Variants in ATP6V0A4 observed in about 807,000 individuals in gnomAD.
The protein encoded by ATP6V0A4 is V-type proton ATPase 116 kDa subunit a 4.
In ATP6V0A4, 86 loss-of-function variants were observed where a neutral mutation model predicts 107.3. The ratio of observed to expected loss-of-function variants is 0.80; its 90% CI spans 0.67 to 0.96. ATP6V0A4 has a LOEUF of 0.96. ATP6V0A4 is among the 40% of genes least tolerant of loss of function. The pLI, the probability that ATP6V0A4 is intolerant of heterozygous loss-of-function variation, is 0.00. For missense variants in ATP6V0A4, 908 were observed against 1,045.6 expected, an observed-to-expected ratio of 0.87 and a Z score of 1.81; for synonymous variants, 353 against 381.4, an observed-to-expected ratio of 0.93 and a Z score of 0.87.
At chr7:138,771,910 T>A (rs1344438312) in intron 2 of ATP6V0A4, among the ~76,000 whole-genome samples, 1 of 151,866 alleles carries the variant, frequency 6.6e-6, no homozygotes, top group Non-Finnish European at 1.5e-5. Flanking sequence ...CATGAGCCAC[T>A]GCTCTCAGCT....
At chr7:138,765,709 T>C (rs1167111488) in intron 5 of ATP6V0A4, among the ~76,000 whole-genome samples, 1 of 152,144 alleles carries the variant, frequency 6.6e-6, no homozygotes, top group Non-Finnish European at 1.5e-5. Context: ...TGGTAAAAGA[T>C]ATTACTCTCC....
chr7:138,733,862 C>T (rs1805163248), intron 16 of ATP6V0A4, among the ~76,000 whole-genome samples: 1 of 152,134 alleles, frequency 6.6e-6, no homozygotes, highest in African/African-American at 2.4e-5. Context: ...AGGTGTGAGA[C>T]ACCGCACCTG....
chr7:138,716,299 G>C (rs1022055982), intron 19 of ATP6V0A4, among the ~76,000 whole-genome samples: 54 of 152,176 alleles, frequency 3.5e-4, no homozygotes, highest in African/African-American at 1.3e-3. Flanking sequence ...AGCTTGTTTA[G>C]GTGAGGAATA....
chr7:138,762,268 C>T, intron 7 of ATP6V0A4, 72 bp downstream of exon 7: 2 of 1,551,690 alleles, frequency 1.3e-6, no homozygotes, highest in Non-Finnish European at 1.8e-6. Flanking sequence ...TATTTGTTCA[C>T]CCGTTCATTC....
chr7:138,728,900 A>G, intron 17 of ATP6V0A4, 38 bp from the exon 18 acceptor site: 2 of 1,613,564 alleles, frequency 1.2e-6, no homozygotes, highest in Non-Finnish European at 1.7e-6. Context: ...TCATTTTCAC[A>G]TGGCAGAACA....
chr7:138,720,369 A>G (rs957557054), intron 19 of ATP6V0A4, among the ~76,000 whole-genome samples: 2 of 152,148 alleles, frequency 1.3e-5, no homozygotes, highest in Admixed American at 6.6e-5. Context: ...AAAGTTGCCC[A>G]AGCAAGGGCA....
intron 1 of ATP6V0A4, among the ~76,000 whole-genome samples, chr7:138,796,342 T>C (rs559278722): frequency 6.6e-6 from 1 of 152,050 alleles, no homozygotes; most frequent in East Asian, 1.9e-4. Context: ...TATCCCCAAA[T>C]CCAGGAACAT....
chr7:138,782,840 C>G (rs532075618), intron 2 of ATP6V0A4, among the ~76,000 whole-genome samples: 1 of 151,986 alleles, frequency 6.6e-6, no homozygotes, highest in African/African-American at 2.4e-5. Flanking sequence ...TTTGGGAGGC[C>G]GAGGCAGTTG....
At chr7:138,767,288 C>G (rs1394019837) in intron 5 of ATP6V0A4, among the ~76,000 whole-genome samples, 2 of 152,114 alleles carry the variant, frequency 1.3e-5, no homozygotes, top group East Asian at 1.9e-4. Context: ...TTTGGGAGGC[C>G]AAGGTGGGCG....
chr7:138,766,520 T>C (rs1193700566), intron 5 of ATP6V0A4, among the ~76,000 whole-genome samples: 1 of 149,448 alleles, frequency 6.7e-6, no homozygotes, highest in African/African-American at 2.5e-5. Flanking sequence ...ATGCTAGACA[T>C]TTTTTTTTTA....
At chr7:138,779,347 T>TA (rs145705120) in intron 2 of ATP6V0A4, among the ~76,000 whole-genome samples, 37,470 of 147,018 alleles carry the variant, frequency 0.25, 5,286 homozygotes, top group Middle Eastern at 0.33. Flanking sequence ...GACCCTATCT[T>TA]AAAAAAAAAT....
intron 1 of ATP6V0A4, among the ~76,000 whole-genome samples, chr7:138,792,623 G>T (rs912611065): frequency 6.6e-6 from 1 of 151,906 alleles, no homozygotes; most frequent in Admixed American, 6.6e-5. Flanking sequence ...TTAGAGACAG[G>T]GTCTCACTCT....
chr7:138,771,702 C>G (rs1049751628), intron 2 of ATP6V0A4, among the ~76,000 whole-genome samples: 4 of 152,178 alleles, frequency 2.6e-5, no homozygotes, highest in African/African-American at 4.8e-5. Flanking sequence ...TCACTGCAGC[C>G]TCAACCTCCT....
intron 15 of ATP6V0A4, among the ~76,000 whole-genome samples, chr7:138,737,331 C>A (rs944725368): frequency 6.6e-6 from 1 of 150,948 alleles, no homozygotes; most frequent in East Asian, 2.0e-4. Flanking sequence ...TAAGGGGAAA[C>A]CCCTTTCACC....
rs554889641 is a variant in ATP6V0A4 at position 138,789,760 on chromosome 7, T to C, written c.-120-3500A>G. Reference sequence around the variant, plus strand: ...CTGAGGCAGGTGGATCACCTGAGGTTGGGAGTTTGAGACCAGCCTGACCAA... The same window carrying C: ...CTGAGGCAGGTGGATCACCTGAGGTCGGGAGTTTGAGACCAGCCTGACCAA... On this transcript the variant is annotated intron_variant, in intron 1 of 21. Transcript: ENST00000310018. Among the ~76,000 whole-genome samples, 18 of 144,756 alleles carry C rather than the reference T, an allele frequency of 1.2e-4. 2 individuals carry two copies. In the East Asian group the frequency reaches 3.7e-3, roughly 30 times the overall value. 95.0% of individuals were successfully genotyped at this position (144,756 alleles called of 152,430 possible).
chr7:138,795,505 G>A (rs1808615545), intron 1 of ATP6V0A4, among the ~76,000 whole-genome samples: 1 of 152,192 alleles, frequency 6.6e-6, no homozygotes. Flanking sequence ...GGAGGGACAG[G>A]CTCTGCTCAC....
At chr7:138,758,713 G>A (rs1584931642) in intron 8 of ATP6V0A4, among the ~76,000 whole-genome samples, 2 of 143,682 alleles carry the variant, frequency 1.4e-5, no homozygotes, top group East Asian at 4.2e-4. Context: ...GGAATCTCAG[G>A]CCCCACTCAG....
chr7:138,720,127 C>T (rs1183469693), intron 19 of ATP6V0A4, among the ~76,000 whole-genome samples: 1 of 152,120 alleles, frequency 6.6e-6, no homozygotes, highest in Non-Finnish European at 1.5e-5. Flanking sequence ...GTATAGTCAG[C>T]TTGCCTGAAG....
At chr7:138,737,579 CTTTTTTTTTTT>C (rs373540257) in intron 15 of ATP6V0A4, among the ~76,000 whole-genome samples, 2 of 134,644 alleles carry the variant, frequency 1.5e-5, no homozygotes, top group Middle Eastern at 3.6e-3. Context: ...TTTTCTTTTT[CTTTTTTTTTTT>C]TTTTTTTTTT....
Sources: allele counts gnomAD v4.1 joint callset (sites outside exome capture counted in the v4.1 genomes callset), GRCh38; gene constraint gnomAD v4.1.1; transcripts MANE v1.5; gene names NCBI Gene and HGNC (gene_info 2026-07-23, HGNC 2026-07-21).